SELENOF: variants seen among roughly 807,000 people sequenced by gnomAD.
The protein encoded by SELENOF is selenoprotein F, also known as 15 kDa selenoprotein.
Under a neutral mutation model 20.5 loss-of-function variants are expected in SELENOF, and 16 were observed. That is an observed-to-expected ratio of 0.78 (90% CI 0.53 to 1.19). SELENOF has a LOEUF of 1.19. Ranked by LOEUF, SELENOF falls within the 50% of genes most tolerant of loss-of-function variation. SELENOF has a pLI of 0.00. For synonymous variants in SELENOF, 78 were observed against 74.5 expected, an observed-to-expected ratio of 1.05 and a Z score of -0.24; for missense variants, 215 against 194.2, an observed-to-expected ratio of 1.11 and a Z score of -0.64.
intron 2 of SELENOF, among the ~76,000 whole-genome samples, chr1:86,885,619 C>A (rs1055946715): frequency 6.6e-6 from 1 of 152,114 alleles, no homozygotes; most frequent in Admixed American, 6.5e-5. Context: ...TTGTTGGTAA[C>A]AATAACCACG....
chr1:86,888,356 C>A (rs1458877493), intron 2 of SELENOF, among the ~76,000 whole-genome samples: 1 of 151,548 alleles, frequency 6.6e-6, no homozygotes, highest in Non-Finnish European at 1.5e-5. Context: ...CTTGGTAATA[C>A]TAAAAGTATT....
chr1:86,898,684 C>T (rs898690426), intron 2 of SELENOF, among the ~76,000 whole-genome samples: 14 of 149,846 alleles, frequency 9.3e-5, no homozygotes, highest in African/African-American at 1.5e-4. Context: ...CGGGTTCAAG[C>T]GATTCTCCTG....
At chr1:86,902,204 CTT>C (rs1019910062) in intron 2 of SELENOF, among the ~76,000 whole-genome samples, 2 of 152,110 alleles carry the variant, frequency 1.3e-5, no homozygotes, top group African/African-American at 4.8e-5. Context: ...AAAAGAATAA[CTT>C]ATATGTAAAG....
chr1:86,899,702 C>T (rs1428893337), intron 2 of SELENOF, among the ~76,000 whole-genome samples: 1 of 151,880 alleles, frequency 6.6e-6, no homozygotes, highest in African/African-American at 2.4e-5. Flanking sequence ...CCCCCACCTC[C>T]CTCCCGGACA....
At chr1:86,873,567 T>C (rs1181412526) in intron 3 of SELENOF, among the ~76,000 whole-genome samples, 1 of 152,114 alleles carries the variant, frequency 6.6e-6, no homozygotes, top group Non-Finnish European at 1.5e-5. Context: ...TTTAAAAAAT[T>C]AGGCTGGGCA....
intron 1 of SELENOF, among the ~76,000 whole-genome samples, chr1:86,911,201 G>A (rs1028830099): frequency 2.6e-5 from 4 of 152,220 alleles, no homozygotes; most frequent in African/African-American, 9.7e-5. Flanking sequence ...TTGAGGGATA[G>A]CGAAGCTTTG....
intron 2 of SELENOF, among the ~76,000 whole-genome samples, chr1:86,892,090 C>T (rs557427564): frequency 6.6e-5 from 10 of 151,980 alleles, no homozygotes; most frequent in Non-Finnish European, 1.2e-4. Flanking sequence ...GCCACCATGC[C>T]CAGTTAATTT....
chr1:86,894,091 CA>C (rs1659457900), intron 2 of SELENOF, among the ~76,000 whole-genome samples: 1 of 151,756 alleles, frequency 6.6e-6, no homozygotes, highest in South Asian at 2.1e-4. Flanking sequence ...TGGTGATCTG[CA>C]GCCTATGCTT....
Position 86,908,629 on chromosome 1 carries a change from A to G in SELENOF, c.85-5181T>C, listed in dbSNP as rs150598553. Among the ~76,000 whole-genome samples the G allele has an allele frequency of 1.8e-3, 280 of 152,338 alleles. 3 individuals carry two copies. Among genetic ancestry groups the G allele is most frequent in the African/African-American group, 5.7e-3 (235 of 41,578 alleles). On this transcript the variant is annotated intron_variant, in intron 1 of 4. Transcript: ENST00000331835. ...ACCACTAATAACAAAAGCACCAACGATTTTAACTGTGTGATCCGTAAGGCC... is the reference window on the plus strand; with the variant it reads ...ACCACTAATAACAAAAGCACCAACGGTTTTAACTGTGTGATCCGTAAGGCC...
rs192797660 is a variant in SELENOF at position 86,863,567 on chromosome 1, G to A, written c.405C>T (p.Asp135=). ...RGSDPVLKLL[D]DNGNIAEELS... ...GTTCTTCAGCAATGTTCCCATTGTC[G>A]TCCAAAAGCTTTAATACAGGGTCTG... Residue 135 remains aspartate, a synonymous_variant, in exon 5 of 5, where the codon GAC becomes GAT. Transcript: ENST00000331835. 278 of 1,613,282 alleles carry A rather than the reference G, an allele frequency of 1.7e-4. 3 individuals carry two copies. In the African/African-American group the frequency reaches 2.8e-3, roughly 16 times the overall value.
intron 2 of SELENOF, among the ~76,000 whole-genome samples, chr1:86,898,192 C>A (rs1659574722): frequency 6.6e-6 from 1 of 152,112 alleles, no homozygotes; most frequent in Non-Finnish European, 1.5e-5. Context: ...GTGAGCAAAG[C>A]CATTTAAAAC....
At chr1:86,912,747 C>G (rs931843923) in intron 1 of SELENOF, among the ~76,000 whole-genome samples, 11 of 152,122 alleles carry the variant, frequency 7.2e-5, no homozygotes, top group African/African-American at 2.7e-4. Flanking sequence ...AGCTGACCTA[C>G]TAGGTCAACA....
intron 4 of SELENOF, among the ~76,000 whole-genome samples, chr1:86,867,527 CA>C (rs1428707318): frequency 1.3e-5 from 2 of 150,984 alleles, no homozygotes; most frequent in East Asian, 3.9e-4. Flanking sequence ...ACAACAACAA[CA>C]AATCAGTGGT....
In SELENOF at chr1:86,867,490, T is replaced by TCAACAACAACAA. The variant is rs71082044; in HGVS notation, c.366+551_366+562dup. On this transcript the variant is annotated intron_variant, in intron 4 of 4. Transcript: ENST00000331835. The stretch of plus-strand genomic sequence containing the variant: ...CTGGGCAACAGAGCAAGACTCCGTC[T>TCAACAACAACAA]CAACAACAACAACAACAACAACAAC... Among the ~76,000 whole-genome samples, 756 of 147,800 alleles carry TCAACAACAACAA rather than the reference T, an allele frequency of 5.1e-3. 3 individuals carry two copies. Among genetic ancestry groups the TCAACAACAACAA allele is most frequent in the African/African-American group, 0.013 (508 of 39,776 alleles).
chr1:86,906,076 T>A (rs1659819548), intron 1 of SELENOF, among the ~76,000 whole-genome samples: 1 of 152,246 alleles, frequency 6.6e-6, no homozygotes, highest in African/African-American at 2.4e-5. Context: ...CCCAAAATGC[T>A]GACGTGATAT....
Position 86,882,776 on chromosome 1 carries a change from T to C in SELENOF, c.253-2051A>G, listed in dbSNP as rs1330951127. Among the ~76,000 whole-genome samples, 3 of 152,126 alleles carry C rather than the reference T, an allele frequency of 2.0e-5. No individual in the cohort carries two copies. The East Asian group carries it at 5.8e-4, about 29-fold the overall frequency. On this transcript the variant is annotated intron_variant, in intron 2 of 4. Transcript: ENST00000331835. Reference sequence around the variant, plus strand: ...ACTCATGTGTTCATTAACAGATGAATGGAAAAACAAAATATGGTATATACA... The same window carrying C: ...ACTCATGTGTTCATTAACAGATGAACGGAAAAACAAAATATGGTATATACA...
rs370496837 is a variant in SELENOF at position 86,910,259 on chromosome 1, A to C, written c.84+3769T>G. On this transcript the variant is annotated intron_variant, in intron 1 of 4. Coordinates refer to ENST00000331835, the MANE Select transcript of SELENOF (RefSeq NM_004261.5). ...TCAATAGGCAGAGTTTGAGAGAAAA[A>C]GGCTGTGTATGATGGCTGTCTTTGG... Among the ~76,000 whole-genome samples, 5 of 152,296 alleles carry C rather than the reference A, an allele frequency of 3.3e-5. No individual in the cohort carries two copies. In the South Asian group the frequency reaches 6.2e-4, roughly 19 times the overall value.
At chr1:86,909,916 A>C (rs1659933211) in intron 1 of SELENOF, among the ~76,000 whole-genome samples, 1 of 152,186 alleles carries the variant, frequency 6.6e-6, no homozygotes, top group Non-Finnish European at 1.5e-5. Context: ...GATGCAGGAG[A>C]GTCGCTTGAA....
chr1:86,873,036 C>T (rs2102076453), intron 3 of SELENOF, among the ~76,000 whole-genome samples: 1 of 143,768 alleles, frequency 7.0e-6, no homozygotes, highest in East Asian at 2.1e-4. Flanking sequence ...GACAGTGTGA[C>T]TCCGTCTAAA....
Sources: gnomAD v4.1 joint callset for allele counts (sites outside exome capture counted in the v4.1 genomes callset) on GRCh38, gnomAD v4.1.1 for gene constraint, MANE v1.5 for transcripts, NCBI Gene and HGNC (gene_info 2026-07-23, HGNC 2026-07-21) for gene names.